Variants in CTNND2 observed in about 807,000 individuals in gnomAD.
The protein encoded by CTNND2 is catenin delta-2.
CTNND2 carries 22 observed loss-of-function variants against 144.4 expected under a neutral mutation model. That is an observed-to-expected ratio of 0.15 (90% CI 0.11 to 0.22). The LOEUF is 0.22. Ranked by LOEUF, CTNND2 falls within the 10% of genes least tolerant of loss-of-function variation. The probability of loss-of-function intolerance (pLI) is 1.00; values close to 1 mark genes in which losing one functional copy is unlikely to be tolerated. For missense variants in CTNND2, 1,353 were observed against 1,618.8 expected, an observed-to-expected ratio of 0.84 and a Z score of 2.82; for synonymous variants, 751 against 695.6, an observed-to-expected ratio of 1.08 and a Z score of -1.25.
chr5:11,465,863 C>T (rs1302239833), intron 3 of CTNND2, among the ~76,000 whole-genome samples: 1 of 152,164 alleles, frequency 6.6e-6, no homozygotes, highest in African/African-American at 2.4e-5. Flanking sequence ...TGGCAGAATG[C>T]AGTTGAAGAC....
chr5:11,488,139 T>C (rs1287561167), intron 3 of CTNND2, among the ~76,000 whole-genome samples: 3 of 152,244 alleles, frequency 2.0e-5, no homozygotes, highest in South Asian at 4.1e-4. Context: ...AAGAAAATAC[T>C]GACTTACTTA....
intron 3 of CTNND2, among the ~76,000 whole-genome samples, chr5:11,499,523 T>C (rs1770336802): frequency 6.6e-6 from 1 of 152,248 alleles, no homozygotes; most frequent in Non-Finnish European, 1.5e-5. Flanking sequence ...TGTGGCCACC[T>C]TGTTTCAACT....
intron 13 of CTNND2, among the ~76,000 whole-genome samples, chr5:11,114,183 C>T (rs1282585040): frequency 2.0e-5 from 3 of 152,190 alleles, no homozygotes; most frequent in South Asian, 4.1e-4. Flanking sequence ...ATTTTTCTTA[C>T]ATCAAAGACT....
At chr5:11,036,256 T>C (rs1744052869) in intron 16 of CTNND2, among the ~76,000 whole-genome samples, 1 of 152,072 alleles carries the variant, frequency 6.6e-6, no homozygotes, top group African/African-American at 2.4e-5. Context: ...AATGCTAGAG[T>C]TCCTAATAAC....
At chr5:11,152,276 T>C (rs1757810592) in intron 12 of CTNND2, among the ~76,000 whole-genome samples, 1 of 152,210 alleles carries the variant, frequency 6.6e-6, no homozygotes, top group South Asian at 2.1e-4. Flanking sequence ...ACTCCAAGGA[T>C]TCTTCTATTT....
chr5:11,424,457 G>GCATACACACACACATACA (rs1438469784), intron 3 of CTNND2, among the ~76,000 whole-genome samples: 3 of 146,082 alleles, frequency 2.1e-5, no homozygotes, highest in Non-Finnish European at 4.5e-5. Flanking sequence ...AACTAAACAC[G>GCATACACACACACATACA]CATACACACA....
chr5:11,066,447 C>G (rs1342410889), intron 16 of CTNND2, among the ~76,000 whole-genome samples: 1 of 151,970 alleles, frequency 6.6e-6, no homozygotes, highest in Non-Finnish European at 1.5e-5. Context: ...CCTACAGCCC[C>G]CCTCACTCCC....
At chr5:11,807,674 G>A (rs543176799) in intron 1 of CTNND2, among the ~76,000 whole-genome samples, 11 of 152,202 alleles carry the variant, frequency 7.2e-5, no homozygotes, top group Non-Finnish European at 1.5e-4. Context: ...GGTTTTCAAA[G>A]CCCACTCTAA....
At chr5:11,633,775 C>CAAA (rs71595827) in intron 2 of CTNND2, among the ~76,000 whole-genome samples, 10 of 136,412 alleles carry the variant, frequency 7.3e-5, no homozygotes, top group African/African-American at 2.4e-4. Flanking sequence ...GGCACTGTCT[C>CAAA]AAAAAAAAAA....
In CTNND2 at chr5:11,236,779, A is replaced by T; in HGVS notation, c.1673T>A (p.Met558Lys). 1.2e-6 allele frequency: 2 copies of T among 1,614,204 alleles called. No homozygotes were observed. Among genetic ancestry groups the T allele is most frequent in the Non-Finnish European group, 1.7e-6 (2 of 1,180,030 alleles). Residue 558 changes from methionine to lysine, a missense_variant, in exon 10 of 22, where the codon ATG becomes AAG. By Grantham distance (95) the Met-to-Lys change is moderately conservative (BLOSUM62 -1). Coordinates refer to ENST00000304623, the MANE Select transcript of CTNND2 (RefSeq NM_001332.4). ...RDPELPEVIQ[M>K]LQHQFPSVQS... ...GACCGAGGGAAACTGGTGCTGCAAC[A>T]TCTGAATCACTTCCGGCAGTTCCGG...
chr5:11,072,519 T>C (rs1165622377), intron 16 of CTNND2, among the ~76,000 whole-genome samples: 2 of 152,248 alleles, frequency 1.3e-5, no homozygotes, highest in African/African-American at 4.8e-5. Context: ...ATGGACAGTA[T>C]ATTGTTACGA....
intron 18 of CTNND2, among the ~76,000 whole-genome samples, chr5:11,011,902 G>C (rs1309238746): frequency 6.6e-6 from 1 of 152,190 alleles, no homozygotes; most frequent in African/African-American, 2.4e-5. Context: ...TGGGAAAGCA[G>C]AAAGACAGTG....
At chr5:11,609,907 T>C (rs1163762067) in intron 2 of CTNND2, among the ~76,000 whole-genome samples, 2 of 152,220 alleles carry the variant, frequency 1.3e-5, no homozygotes, top group Admixed American at 6.5e-5. Context: ...CATTATAGTT[T>C]GTCCCTAACA....
intron 2 of CTNND2, among the ~76,000 whole-genome samples, chr5:11,596,613 T>C (rs1195527930): frequency 6.6e-6 from 1 of 152,224 alleles, no homozygotes; most frequent in Non-Finnish European, 1.5e-5. Flanking sequence ...ATACATGTTT[T>C]TGTATAACCA....
chr5:11,685,019 A>G (rs550840947), intron 2 of CTNND2, among the ~76,000 whole-genome samples: 1 of 152,310 alleles, frequency 6.6e-6, no homozygotes, highest in African/African-American at 2.4e-5. Context: ...TATAACCTTC[A>G]TCTTATTCAT....
chr5:11,139,210 C>T (rs1224297754), intron 12 of CTNND2, among the ~76,000 whole-genome samples: 1 of 152,158 alleles, frequency 6.6e-6, no homozygotes, highest in Non-Finnish European at 1.5e-5. Flanking sequence ...ATCCACTCAC[C>T]TCGGCCTCCC....
chr5:11,177,987 A>C lies in CTNND2; in HGVS notation c.1976-18228T>G, dbSNP rs183147080. Among the ~76,000 whole-genome samples, 70 of 152,312 alleles carry C rather than the reference A, an allele frequency of 4.6e-4. 1 individual carries two copies. The East Asian group carries it at 0.013, about 29-fold the overall frequency. Reference sequence around the variant, plus strand: ...TGATACTTGTTGGTTCCTGGTAGCTACTGATATTCTGGCAGTGGTGTTGGC... The same window carrying C: ...TGATACTTGTTGGTTCCTGGTAGCTCCTGATATTCTGGCAGTGGTGTTGGC... On this transcript the variant is annotated intron_variant, in intron 11 of 21. Coordinates refer to ENST00000304623, the MANE Select transcript of CTNND2 (RefSeq NM_001332.4).
At chr5:11,824,123 A>C (rs1793475890) in intron 1 of CTNND2, among the ~76,000 whole-genome samples, 1 of 151,634 alleles carries the variant, frequency 6.6e-6, no homozygotes, top group African/African-American at 2.4e-5. Context: ...ACCATGGTGA[A>C]ACTCAATTTA....
chr5:11,759,336 T>C (rs2126801835), intron 1 of CTNND2, among the ~76,000 whole-genome samples: 1 of 152,208 alleles, frequency 6.6e-6, no homozygotes, highest in South Asian at 2.1e-4. Flanking sequence ...CTGCAGGAGC[T>C]ATTAAAAGCA....
Sources: gnomAD v4.1 joint callset for allele counts (sites outside exome capture counted in the v4.1 genomes callset) on GRCh38, gnomAD v4.1.1 for gene constraint, MANE v1.5 for transcripts, NCBI Gene and HGNC (gene_info 2026-07-23, HGNC 2026-07-21) for gene names.